Variants in COL6A3 observed in about 807,000 individuals in gnomAD.
COL6A3 encodes the protein collagen type VI alpha 3 chain.
A neutral mutation model predicts 274.1 loss-of-function variants in COL6A3; 137 were observed. The observed-to-expected ratio is 0.50, with a 90% CI of 0.44 to 0.58. The LOEUF is 0.58. COL6A3 is among the 20% of genes least tolerant of loss of function. The pLI, the probability that COL6A3 is intolerant of heterozygous loss-of-function variation, is 0.00. For synonymous variants in COL6A3, 1,650 were observed against 1,650.6 expected, an observed-to-expected ratio of 1.00 and a Z score of 0.01; for missense variants, 3,950 against 4,124.9, an observed-to-expected ratio of 0.96 and a Z score of 1.16.
chr2:237,393,875 GCT>G (rs1482021261), intron 3 of COL6A3, among the ~76,000 whole-genome samples: 1 of 152,122 alleles, frequency 6.6e-6, no homozygotes, highest in Non-Finnish European at 1.5e-5. Flanking sequence ...ATGTCCGTGT[GCT>G]CTCAATACTT....
chr2:237,406,223 G>T (rs773589779), intron 1 of COL6A3, among the ~76,000 whole-genome samples: 10 of 152,050 alleles, frequency 6.6e-5, no homozygotes, highest in Non-Finnish European at 1.5e-4. Context: ...TTGCAATTCT[G>T]TAAATTAGTT....
At chr2:237,379,667 T>C (rs2077951759) in intron 5 of COL6A3, among the ~76,000 whole-genome samples, 1 of 152,194 alleles carries the variant, frequency 6.6e-6, no homozygotes, top group Non-Finnish European at 1.5e-5. Flanking sequence ...CTTCCATCCA[T>C]AGCTCAGAAG....
intron 6 of COL6A3, among the ~76,000 whole-genome samples, chr2:237,377,924 A>C (rs879597232): frequency 6.6e-6 from 1 of 152,228 alleles, no homozygotes; most frequent in Non-Finnish European, 1.5e-5. Flanking sequence ...AATCTGTTGT[A>C]ATGAGACAAT....
rs1177124716 is a variant in COL6A3 at position 237,368,524 on chromosome 2, G to A, written c.4900+39C>T. The A allele has an allele frequency of 1.2e-6, 2 of 1,604,940 alleles. No homozygotes were observed. The highest frequency in any genetic ancestry group is 1.7e-6 in the Non-Finnish European group (2 of 1,174,498). ...CTTTTTTAACTAAAAAAAAAATGTT[G>A]ATGTCACACTCTGTAGTCATGGGTC... On this transcript the variant is annotated intron_variant, in intron 10 of 43. Transcript: ENST00000295550. The surrounding 1 kb of genome is among the most constrained non-coding windows in gnomAD (Gnocchi z 4.4).
rs1700442339 is a variant in COL6A3 at position 237,334,718 on chromosome 2, C to A, written c.9137G>T (p.Gly3046Val). The change falls in exon 41 of 44, where the codon GGA (glycine) becomes GTA (valine). Residue 3046 changes from glycine to valine, a missense_variant. By Grantham distance (109) the Gly-to-Val change is moderately radical. This residue lies in a region of COL6A3 where 1,284 missense variants were observed against 1,349.7 expected (regional missense o/e 0.95). Coordinates refer to ENST00000295550, the MANE Select transcript of COL6A3 (RefSeq NM_004369.4). ...GTATGTCTGCCCAGCGAGCAGGCCT[C>A]CAATGACGCGGTCCGTGACCGTGAG... is the stretch of plus-strand genomic sequence containing the variant. ...QNLTVTDRVI[G>V]GLLAGQTYHV... The A allele has an allele frequency of 6.2e-7, 1 of 1,614,078 alleles. No individual in the cohort carries two copies. The highest frequency in any genetic ancestry group is 8.5e-7 in the Non-Finnish European group (1 of 1,180,038).
chr2:237,361,015 G>T lies in COL6A3; in HGVS notation c.6210+106C>A. The T allele has an allele frequency of 1.0e-6, 1 of 957,050 alleles. No homozygotes were observed. The highest frequency in any genetic ancestry group is 1.7e-6 in the Non-Finnish European group (1 of 585,110). The allele number at this position is 957,050 out of a possible 1,614,324, so 59.3% of individuals were successfully genotyped here. A position where few individuals can be genotyped will look rare whatever the true frequency, so the allele number is the denominator to read the frequency against. On this transcript the variant is annotated intron_variant, in intron 16 of 43. Transcript: ENST00000295550. The surrounding 1 kb of genome is among the most constrained non-coding windows in gnomAD (Gnocchi z 5.1). ...TATAAATTAATTTTTCTCCCAAAGG[G>T]AAAGCCATCAGCAACTGAACAAATG...
At chr2:237,396,628 A>G in intron 2 of COL6A3, 99 bp downstream of exon 2, 1 of 1,228,888 alleles carries the variant, frequency 8.1e-7, no homozygotes, top group African/African-American at 1.5e-5. Context: ...AGCTACCTTA[A>G]GAACATATCT....
At chr2:237,386,574 C>T (rs922311732) in intron 4 of COL6A3, 3 of 152,130 alleles carry the variant, frequency 2.0e-5, no homozygotes, top group East Asian at 1.9e-4. Flanking sequence ...ATAGGAGCCT[C>T]GGTATCCATT....
At position 237,365,903 on chromosome 2, in the gene COL6A3, C is replaced by G. The variant is rs776747391; in HGVS notation, c.5633G>C (p.Ser1878Thr). 4.3e-6 allele frequency: 7 copies of G among 1,614,034 alleles called. No homozygotes were observed. The African/African-American group carries it at 9.3e-5, about 22-fold the overall frequency. Residue 1878 changes from serine to threonine, a missense_variant, in exon 12 of 44, where the codon AGC (serine) becomes ACC (threonine). Transcript: ENST00000295550. ...RISQMHRVSCSGGRSPTVRVS... is the reference protein window; with the variant it reads ...RISQMHRVSCTGGRSPTVRVS... ...ACGCACGGTGGGCGAGCGGCCACCG[C>G]TGCAGCTGACCCTGTGCATCTGGCT...
intron 4 of COL6A3, 145 bp downstream of exon 4, chr2:237,387,437 G>C (rs1292104972): frequency 8.2e-7 from 1 of 1,216,596 alleles, no homozygotes; most frequent in Non-Finnish European, 1.2e-6. Context: ...ATGACATCCA[G>C]GACCCAGCTC....
At position 237,341,039 on chromosome 2, in the gene COL6A3, C is replaced by T. The variant is rs765014790; in HGVS notation, c.7877G>A (p.Ser2626Asn). 7 of 1,614,162 alleles carry T rather than the reference C, an allele frequency of 4.3e-6. No individual in the cohort carries two copies. The Admixed American group carries it at 1.2e-4, about 27-fold the overall frequency. Residue 2626 changes from serine (S) to asparagine (N), a missense_variant, in exon 38 of 44, where the codon AGC becomes AAC. This residue lies in a region of COL6A3 where 1,284 missense variants were observed against 1,349.7 expected (regional missense o/e 0.95). Transcript: ENST00000295550. ...VDIDMAFILDSAETTTLFQFN... is the reference protein window; with the variant it reads ...VDIDMAFILDNAETTTLFQFN... ...CTGGAACAGGGTGGTGGTCTCAGCGCTGTCTAAGATGAAAGCCATGTCGAT... is the reference window on the plus strand; with the variant it reads ...CTGGAACAGGGTGGTGGTCTCAGCGTTGTCTAAGATGAAAGCCATGTCGAT...
In COL6A3 at chr2:237,358,526, C is replaced by G. The variant is rs1483242059; in HGVS notation, c.6466G>C (p.Asp2156His). 4.3e-6 allele frequency: 7 copies of G among 1,613,724 alleles called. No homozygotes were observed. The highest frequency in any genetic ancestry group is 1.7e-4 in the Middle Eastern group (1 of 6,058). The change falls in exon 21 of 44, where the codon GAC becomes CAC. Residue 2156 changes from aspartate (D) to histidine (H), a missense_variant. Physicochemically the swap from Asp to His is moderately conservative, Grantham distance 81 (BLOSUM62 -1). Transcript: ENST00000295550. ...GTCAATAAAGAAATCTTTACCGGGT[C>G]CCCTCGAATCCCAACATCTCCTCTT... is the stretch of plus-strand genomic sequence containing the variant. ...GERGDVGIRG[D>H]PGNPGQDSQE...
Position 237,357,822 on chromosome 2 carries a change from G to A in COL6A3, c.6532C>T (p.Pro2178Ser). 6.2e-7 allele frequency: 1 copy of A among 1,614,046 alleles called. No individual in the cohort carries two copies. Among genetic ancestry groups the A allele is most frequent in the Non-Finnish European group, 8.5e-7 (1 of 1,179,998 alleles). ...AGGAATGTGCAGCACCTTACCATGGGGCCGAGGTCACCGGTTTCTCCTTTG... is the reference window on the plus strand; with the variant it reads ...AGGAATGTGCAGCACCTTACCATGGAGCCGAGGTCACCGGTTTCTCCTTTG... ...GPKGETGDLG[P>S]MGVPGRDGVP... The change falls in exon 22 of 44, where the codon CCC becomes TCC. Residue 2178 changes from proline to serine, a missense_variant. Around this residue, in one of 5 missense-constraint regions of COL6A3, gnomAD observed 1,284 missense variants for 1,349.7 expected, o/e 0.95. Coordinates refer to ENST00000295550, the MANE Select transcript of COL6A3 (RefSeq NM_004369.4).
rs866014284 is a variant in COL6A3 at position 237,369,252 on chromosome 2, A to G, written c.4286-75T>C. ...CACCCAGGTTTGGTGTGCACCTTGC[A>G]CCATAATCCTAATCAACCTTAAGAT... is the stretch of plus-strand genomic sequence containing the variant. On this transcript the variant is annotated intron_variant, in intron 9 of 43. Coordinates refer to ENST00000295550, the MANE Select transcript of COL6A3 (RefSeq NM_004369.4). 4.7e-5 allele frequency: 73 copies of G among 1,568,164 alleles called. 1 individual carries two copies. The African/African-American group carries it at 8.7e-4, about 19-fold the overall frequency.
chr2:237,397,957 G>T (rs2078493231), intron 1 of COL6A3, among the ~76,000 whole-genome samples: 1 of 152,196 alleles, frequency 6.6e-6, no homozygotes, highest in African/African-American at 2.4e-5. Context: ...ATGGAAATGG[G>T]TCAGGAGTAA....
At chr2:237,358,366 C>T (rs1470401785) in intron 21 of COL6A3, among the ~76,000 whole-genome samples, 155 bp downstream of exon 21, 1 of 152,156 alleles carries the variant, frequency 6.6e-6, no homozygotes, top group Admixed American at 6.5e-5. Context: ...AACACATCTC[C>T]CCAAACCCCC....
intron 3 of COL6A3, among the ~76,000 whole-genome samples, chr2:237,389,762 C>T (rs2078240720): frequency 6.6e-6 from 1 of 152,184 alleles, no homozygotes; most frequent in Non-Finnish European, 1.5e-5. Flanking sequence ...ATATATTAAC[C>T]TGGCAACATT....
intron 11 of COL6A3, 44 bp downstream of exon 11, chr2:237,366,643 T>C: frequency 1.9e-6 from 3 of 1,614,058 alleles, no homozygotes; most frequent in Non-Finnish European, 2.5e-6. Context: ...GAGGCACAAA[T>C]GTCAACAGGA....
At chr2:237,339,488 T>G (rs768991638) in intron 38 of COL6A3, among the ~76,000 whole-genome samples, 12 of 152,244 alleles carry the variant, frequency 7.9e-5, no homozygotes, top group Non-Finnish European at 1.6e-4. Flanking sequence ...AATGCTTTGT[T>G]GAACAAAGCT....
Sources: gnomAD v4.1 joint callset for allele counts (sites outside exome capture counted in the v4.1 genomes callset) on GRCh38, gnomAD v4.1.1 for gene constraint, gnomAD v4.1.1 regional missense constraint, Gnocchi (gnomAD v3.1) non-coding constraint, MANE v1.5 for transcripts, NCBI Gene and HGNC (gene_info 2026-07-23, HGNC 2026-07-21) for gene names.